NRG1: variants seen among roughly 807,000 people sequenced by gnomAD.
NRG1 encodes the protein neuregulin 1.
In NRG1, 18 loss-of-function variants were observed where a neutral mutation model predicts 63.8. That is an observed-to-expected ratio of 0.28 (90% CI 0.19 to 0.42). The LOEUF is 0.42. NRG1 is among the 10% of genes least tolerant of loss of function. The pLI is 1.00. For synonymous variants in NRG1, 302 were observed against 301.3 expected (o/e 1.00, Z -0.02); for missense variants, 762 against 814.7 (o/e 0.94, Z 0.79).
chr8:32,324,518 G>A (rs969774504), intron 1 of NRG1, among the ~76,000 whole-genome samples: 1 of 152,060 alleles, frequency 6.6e-6, no homozygotes, highest in Non-Finnish European at 1.5e-5. Context: ...TAACTAATGG[G>A]GAAGGCATCT....
chr8:32,362,462 T>C (rs1345096055), intron 1 of NRG1, among the ~76,000 whole-genome samples: 1 of 152,246 alleles, frequency 6.6e-6, no homozygotes, highest in Non-Finnish European at 1.5e-5. Context: ...TTTCTAAGGC[T>C]TTGGGCATAA....
At chr8:31,691,526 C>G (rs900392646) in intron 1 of NRG1, among the ~76,000 whole-genome samples, 25 of 123,466 alleles carry the variant, frequency 2.0e-4, no homozygotes, top group African/African-American at 7.7e-4. Context: ...ACCCGGGAGG[C>G]GGAGCTTGCA....
At chr8:31,767,516 C>T (rs994260259) in intron 1 of NRG1, among the ~76,000 whole-genome samples, 1 of 152,126 alleles carries the variant, frequency 6.6e-6, no homozygotes, top group Admixed American at 6.5e-5. Flanking sequence ...ATTTTCACCA[C>T]AGTAAGCCAT....
At chr8:32,722,118 ATT>A in intron 5 of NRG1, 1 of 1,210,916 alleles carries the variant, frequency 8.3e-7, no homozygotes, top group Non-Finnish European at 1.2e-6. Context: ...TGCATATTTT[ATT>A]AAGCAAATGG....
intron 1 of NRG1, among the ~76,000 whole-genome samples, chr8:32,003,288 A>T (rs1813240472): frequency 6.6e-6 from 1 of 152,120 alleles, no homozygotes; most frequent in South Asian, 2.1e-4. Context: ...ATCAGTAAGG[A>T]TATAAAATCA....
chr8:31,689,506 T>G (rs1489376607), intron 1 of NRG1, among the ~76,000 whole-genome samples: 1 of 152,200 alleles, frequency 6.6e-6, no homozygotes, highest in African/African-American at 2.4e-5. Flanking sequence ...AAAGCCCCCT[T>G]GTTTGGAAAA....
chr8:31,916,417 A>T (rs531563790), intron 1 of NRG1, among the ~76,000 whole-genome samples: 1,807 of 151,998 alleles, frequency 0.012, 39 homozygotes, highest in African/African-American at 0.04. Flanking sequence ...CTGTGTTCTC[A>T]TTGTTCAATT....
intron 6 of NRG1, among the ~76,000 whole-genome samples, chr8:32,732,251 C>G (rs1047000657): frequency 5.3e-5 from 8 of 151,970 alleles, no homozygotes; most frequent in African/African-American, 1.9e-4. Context: ...AGAATCATTC[C>G]ATTTTGTACC....
intron 1 of NRG1, among the ~76,000 whole-genome samples, chr8:32,191,281 C>T (rs1324877511): frequency 6.6e-6 from 1 of 152,074 alleles, no homozygotes; most frequent in Non-Finnish European, 1.5e-5. Context: ...GACAGGGTTT[C>T]ACCATGTTGG....
intron 1 of NRG1, among the ~76,000 whole-genome samples, chr8:32,429,923 G>C (rs1459157376): frequency 6.6e-6 from 1 of 152,116 alleles, no homozygotes; most frequent in Non-Finnish European, 1.5e-5. Flanking sequence ...TATGGTGTTT[G>C]TGCATATATT....
At chr8:32,595,846 A>G in exon 2 of NRG1, 1 of 1,611,182 alleles carries the variant, frequency 6.2e-7, no homozygotes, top group Non-Finnish European at 8.5e-7. Flanking sequence ...CCCCGATTGA[A>G]AGAGATGAAA....
At chr8:32,682,159 A>G (rs1391807472) in intron 5 of NRG1, among the ~76,000 whole-genome samples, 1 of 152,160 alleles carries the variant, frequency 6.6e-6, no homozygotes. Context: ...AAATTTGTGT[A>G]ATTATTTTTT....
intron 1 of NRG1, among the ~76,000 whole-genome samples, chr8:31,783,706 G>A (rs1188655476): frequency 1.3e-5 from 2 of 151,994 alleles, no homozygotes; most frequent in Non-Finnish European, 2.9e-5. Context: ...CAAGGAGTGT[G>A]GGCAATTTAG....
chr8:32,556,601 A>C (rs1030192186), intron 1 of NRG1, among the ~76,000 whole-genome samples: 26 of 152,224 alleles, frequency 1.7e-4, no homozygotes, highest in Admixed American at 1.7e-3. Context: ...AAAGGAAAAG[A>C]AAACCTTTTG....
rs529095009 is a variant in NRG1, at chr8:31,879,472, C to T, written c.37+240041C>T. On this transcript the variant is annotated intron_variant, in intron 1 of 10. Coordinates refer to the NRG1 transcript ENST00000519301. ...CATTTTCTGCCACTCAAGATCTTTC[C>T]ATCCAGGTGATCCAGCTAGTTCTCA... Among the ~76,000 whole-genome samples the T allele has an allele frequency of 8.5e-5, 13 of 152,252 alleles. No individual in the cohort carries two copies. In the South Asian group the frequency reaches 1.0e-3, roughly 12 times the overall value.
intron 1 of NRG1, among the ~76,000 whole-genome samples, chr8:32,248,305 G>A (rs1256658071): frequency 2.6e-5 from 4 of 151,950 alleles, no homozygotes; most frequent in African/African-American, 9.7e-5. Context: ...TCATACATAA[G>A]CTTTTTGTAA....
intron 1 of NRG1, among the ~76,000 whole-genome samples, chr8:32,211,955 C>T (rs1468560305): frequency 1.3e-5 from 2 of 152,034 alleles, no homozygotes; most frequent in Non-Finnish European, 2.9e-5. Context: ...ATGGCTGTGC[C>T]TTTTAAATAA....
rs555885890 is a variant in NRG1, at chr8:31,711,034, C to A, written c.37+71603C>A. Among the ~76,000 whole-genome samples the A allele has an allele frequency of 3.3e-5, 5 of 152,212 alleles. No homozygotes were observed. In the South Asian group the frequency reaches 1.0e-3, roughly 32 times the overall value. On this transcript the variant is annotated intron_variant, in intron 1 of 10. Transcript: ENST00000519301. ...CCTTTTGTAAACTATGTTTGTACTT[C>A]TATCAGTTTTTTTGATCTGCTTTAA...
intron 2 of NRG1, among the ~76,000 whole-genome samples, chr8:32,601,723 TG>T (rs1207329215): frequency 6.6e-6 from 1 of 152,040 alleles, no homozygotes; most frequent in Non-Finnish European, 1.5e-5. Flanking sequence ...CCTTTAATTA[TG>T]TTTTTTTATC....
Sources: allele counts gnomAD v4.1 joint callset (sites outside exome capture counted in the v4.1 genomes callset), GRCh38; gene constraint gnomAD v4.1.1; transcripts MANE v1.5; gene names NCBI Gene and HGNC (gene_info 2026-07-23, HGNC 2026-07-21).